Variants in GTF2A1L observed in about 807,000 individuals in gnomAD.
GTF2A1L encodes TFIIA-alpha and beta-like factor.
GTF2A1L carries 48 observed loss-of-function variants against 49.7 expected under a neutral mutation model. The ratio of observed to expected loss-of-function variants is 0.97; its 90% CI spans 0.77 to 1.23. GTF2A1L has a LOEUF of 1.23. GTF2A1L is among the 50% of genes most tolerant of loss of function. The probability of loss-of-function intolerance (pLI) is 0.00; values close to 1 mark genes in which losing one functional copy is unlikely to be tolerated. For missense variants in GTF2A1L, 736 were observed against 564.8 expected (o/e 1.30, Z -3.07); for synonymous variants, 246 against 193.5 (o/e 1.27, Z -2.25).
chr2:48,676,932 T>G (rs1314789364), intron 8 of GTF2A1L, among the ~76,000 whole-genome samples: 1 of 151,618 alleles, frequency 6.6e-6, no homozygotes, highest in Non-Finnish European at 1.5e-5. Context: ...TTTATTTTTT[T>G]TTTTCCAGGT....
intron 8 of GTF2A1L, among the ~76,000 whole-genome samples, chr2:48,672,511 C>T (rs149862794): frequency 1.4e-4 from 21 of 152,168 alleles, no homozygotes; most frequent in East Asian, 3.9e-4. Flanking sequence ...GTAGGGCAGA[C>T]GTGAAGTGCC....
chr2:48,633,749 C>T (rs1676718434), intron 3 of GTF2A1L, among the ~76,000 whole-genome samples: 1 of 152,128 alleles, frequency 6.6e-6, no homozygotes, highest in South Asian at 2.1e-4. Context: ...AAGTCCCCCA[C>T]CATTATCGTA....
chr2:48,663,039 T>G (rs1284516108), intron 6 of GTF2A1L, among the ~76,000 whole-genome samples: 1 of 152,014 alleles, frequency 6.6e-6, no homozygotes, highest in Non-Finnish European at 1.5e-5. Context: ...ATAACAAACC[T>G]GTACATATAC....
intron 7 of GTF2A1L, 37 bp downstream of exon 7, chr2:48,670,019 A>G (rs1262385014): frequency 6.4e-7 from 1 of 1,564,142 alleles, no homozygotes; most frequent in African/African-American, 1.4e-5. Flanking sequence ...TCCTTTATTA[A>G]TTTATAACAT....
Position 48,679,325 on chromosome 2 carries a change from C to G in GTF2A1L, c.1330-10C>G. Reference sequence around the variant, plus strand: ...AAATTAATTAATGTAAACTACTTTTCTCCCTCCAGATTCATCGAAGCAAGA... The same window carrying G: ...AAATTAATTAATGTAAACTACTTTTGTCCCTCCAGATTCATCGAAGCAAGA... On this transcript the variant is annotated splice_polypyrimidine_tract_variant and intron_variant, in intron 8 of 8. Coordinates refer to ENST00000403751, the MANE Select transcript of GTF2A1L (RefSeq NM_006872.5). 6.2e-7 allele frequency: 1 copy of G among 1,603,310 alleles called. No homozygotes were observed. Among genetic ancestry groups the G allele is most frequent in the South Asian group, 1.1e-5 (1 of 89,118 alleles).
chr2:48,651,480 T>C (rs1198847244), intron 6 of GTF2A1L, among the ~76,000 whole-genome samples: 1 of 150,042 alleles, frequency 6.7e-6, no homozygotes, highest in Non-Finnish European at 1.5e-5. Flanking sequence ...ATCTTTGTAA[T>C]AATGAAAAGT....
intron 6 of GTF2A1L, among the ~76,000 whole-genome samples, chr2:48,662,788 C>A (rs1678588387): frequency 6.6e-6 from 1 of 151,482 alleles, no homozygotes; most frequent in Non-Finnish European, 1.5e-5. Flanking sequence ...TCTCTTGATG[C>A]TTTAAAGGTA....
At chr2:48,670,256 TG>T (rs145843577) in intron 7 of GTF2A1L, among the ~76,000 whole-genome samples, 7,066 of 152,046 alleles carry the variant, frequency 0.046, 538 homozygotes, top group African/African-American at 0.16. Context: ...TAGCAGGGCA[TG>T]GTGGCACATG....
chr2:48,624,280 A>G (rs1252112708), intron 3 of GTF2A1L, among the ~76,000 whole-genome samples: 1 of 144,676 alleles, frequency 6.9e-6, no homozygotes, highest in African/African-American at 2.5e-5. Flanking sequence ...ATTTAATTAC[A>G]TGTTAACATA....
chr2:48,633,532 C>G (rs1053469121), intron 3 of GTF2A1L, among the ~76,000 whole-genome samples: 1 of 152,112 alleles, frequency 6.6e-6, no homozygotes. Context: ...TTTTTTTGAA[C>G]TTATTGAGAT....
chr2:48,677,722 GA>G (rs1441697142), intron 8 of GTF2A1L, among the ~76,000 whole-genome samples: 1 of 152,044 alleles, frequency 6.6e-6, no homozygotes, highest in Non-Finnish European at 1.5e-5. Context: ...ACCTGGGCAA[GA>G]GAAGATGATG....
At chr2:48,652,386 C>G (rs1298375207) in intron 6 of GTF2A1L, among the ~76,000 whole-genome samples, 1 of 151,902 alleles carries the variant, frequency 6.6e-6, no homozygotes, top group Non-Finnish European at 1.5e-5. Context: ...GAGGCCAAAG[C>G]GGATGGATCA....
chr2:48,618,116 G>C (rs1675768645), intron 1 of GTF2A1L: 1 of 535,122 alleles, frequency 1.9e-6, no homozygotes, highest in African/African-American at 1.9e-5. Context: ...AAAAGAACAA[G>C]TGCCCTTTTT....
intron 8 of GTF2A1L, among the ~76,000 whole-genome samples, chr2:48,673,509 C>T (rs577443656): frequency 3.3e-5 from 5 of 151,912 alleles, no homozygotes; most frequent in African/African-American, 1.2e-4. Flanking sequence ...ACTACAGGCG[C>T]CTGCCACCAC....
intron 3 of GTF2A1L, among the ~76,000 whole-genome samples, chr2:48,624,959 C>T (rs1676221741): frequency 7.0e-6 from 1 of 143,610 alleles, no homozygotes; most frequent in South Asian, 2.3e-4. Context: ...TCCATTTGTC[C>T]ATTTGCAGAC....
At chr2:48,638,335 C>T (rs1166217457) in intron 3 of GTF2A1L, among the ~76,000 whole-genome samples, 1 of 152,170 alleles carries the variant, frequency 6.6e-6, no homozygotes, top group South Asian at 2.1e-4. Flanking sequence ...TAACAAAATA[C>T]TTGTAAACCG....
intron 1 of GTF2A1L, among the ~76,000 whole-genome samples, chr2:48,619,430 A>C (rs1675848856): frequency 6.6e-6 from 1 of 151,458 alleles, no homozygotes; most frequent in Non-Finnish European, 1.5e-5. Flanking sequence ...AGATTGTGCT[A>C]CCGTACTCCA....
intron 6 of GTF2A1L, chr2:48,647,257 T>C (rs1260644749): frequency 8.7e-6 from 4 of 460,908 alleles, no homozygotes; most frequent in African/African-American, 8.0e-5. Context: ...CATTTTTAAG[T>C]GTACAGATCA....
intron 6 of GTF2A1L, among the ~76,000 whole-genome samples, chr2:48,661,246 A>ATTTTTTTTTTTTT (rs1558757501): frequency 1.4e-5 from 1 of 71,848 alleles, no homozygotes; most frequent in African/African-American, 6.2e-5. Context: ...GCATCCCCAA[A>ATTTTTTTTTTTTT]CTTTTTTTTT....
Sources: allele counts gnomAD v4.1 joint callset (sites outside exome capture counted in the v4.1 genomes callset), GRCh38; gene constraint gnomAD v4.1.1; transcripts MANE v1.5; gene names NCBI Gene and HGNC (gene_info 2026-07-23, HGNC 2026-07-21).